The following TTC6 variants were observed in gnomAD, a reference collection of about 807,000 sequenced individuals.
TTC6 encodes the protein tetratricopeptide repeat protein 6.
A neutral mutation model predicts 210.4 loss-of-function variants in TTC6; 172 were observed. The ratio of observed to expected loss-of-function variants is 0.82; its 90% CI spans 0.72 to 0.93. The LOEUF (loss-of-function observed/expected upper bound fraction) is 0.93, where lower values mean the gene tolerates loss of function less well. TTC6 is among the 40% of genes least tolerant of loss of function. The pLI is 0.00. For missense variants in TTC6, 2,414 were observed against 2,318.1 expected, an observed-to-expected ratio of 1.04 and a Z score of -0.85; for synonymous variants, 804 against 819.6, an observed-to-expected ratio of 0.98 and a Z score of 0.32.
chr14:37,666,547 G>T (rs2095748553), intron 1 of TTC6, among the ~76,000 whole-genome samples: 1 of 150,084 alleles, frequency 6.7e-6, no homozygotes, highest in Non-Finnish European at 1.5e-5. Flanking sequence ...TGCAGGTAGA[G>T]TGCCTGGTTA....
rs377706323 is a variant in TTC6, at chr14:37,708,610, G to A, written c.1572-6045G>A. 3.2e-4 allele frequency among the ~76,000 whole-genome samples: 49 copies of A among 151,932 alleles called. No homozygotes were observed. In the East Asian group the frequency reaches 4.8e-3, roughly 15 times the overall value. ...TCTTTATGCTTAATTCTGTATACTCGCTCTCATTCTGTTTTTAGGACCAAT... is the reference window on the plus strand; with the variant it reads ...TCTTTATGCTTAATTCTGTATACTCACTCTCATTCTGTTTTTAGGACCAAT... On this transcript the variant is annotated intron_variant, in intron 5 of 30. Coordinates refer to ENST00000553443, the Ensembl canonical transcript of TTC6.
At chr14:37,671,568 C>T (rs1023248262) in intron 1 of TTC6, among the ~76,000 whole-genome samples, 5 of 151,970 alleles carry the variant, frequency 3.3e-5, no homozygotes, top group African/African-American at 1.2e-4. Flanking sequence ...AACGGTTTTA[C>T]AATAGAAAAC....
At chr14:37,663,039 G>A (rs1051537793) in intron 1 of TTC6, among the ~76,000 whole-genome samples, 17 of 151,896 alleles carry the variant, frequency 1.1e-4, no homozygotes, top group Admixed American at 5.3e-4. Flanking sequence ...ATGTTTTTCC[G>A]TTTGTTTTTG....
chr14:37,663,114 T>C (rs34680819), intron 1 of TTC6, among the ~76,000 whole-genome samples: 8,684 of 152,268 alleles, frequency 0.057, 383 homozygotes, highest in Non-Finnish European at 0.089. Flanking sequence ...ACCTCCCTGG[T>C]TAGCTGTATT....
At chr14:37,609,571 A>T (rs933691843) in intron 2 of TTC6, among the ~76,000 whole-genome samples, 10 of 152,150 alleles carry the variant, frequency 6.6e-5, no homozygotes, top group African/African-American at 2.4e-4. Context: ...CATGGATTGT[A>T]TTATCCTATG....
chr14:37,671,863 T>G (rs1172923832), intron 1 of TTC6, among the ~76,000 whole-genome samples: 5 of 152,080 alleles, frequency 3.3e-5, no homozygotes, highest in Non-Finnish European at 7.4e-5. Context: ...GATCTGATGG[T>G]TTTATCAATG....
intron 29 of TTC6, 77 bp from the exon 32 acceptor site, chr14:37,841,368 A>T: frequency 7.8e-7 from 1 of 1,278,666 alleles, no homozygotes; most frequent in Non-Finnish European, 1.1e-6. Context: ...TTAATTTAAA[A>T]TTAAGAGTAA....
At chr14:37,625,494 G>A (rs1473449045) in intron 1 of TTC6, among the ~76,000 whole-genome samples, 4 of 151,154 alleles carry the variant, frequency 2.6e-5, no homozygotes, top group African/African-American at 4.9e-5. Flanking sequence ...GTTGCAGTGA[G>A]CCTAGATCGC....
Position 37,642,967 on chromosome 14 carries a change from G to T in TTC6, c.939+19964G>T, listed in dbSNP as rs886352133. ...GGAATCACTGTCATATATGGGGTCT[G>T]TCATTGACTGAAATGTCACTATGTG... On this transcript the variant is annotated intron_variant, in intron 1 of 30. Transcript: ENST00000553443. 2.0e-5 allele frequency among the ~76,000 whole-genome samples: 3 copies of T among 152,220 alleles called. No homozygotes were observed. In the East Asian group the frequency reaches 5.8e-4, roughly 29 times the overall value.
intron 26 of TTC6, among the ~76,000 whole-genome samples, chr14:37,819,230 G>A (rs2139471503): frequency 6.6e-6 from 1 of 152,212 alleles, no homozygotes; most frequent in Non-Finnish European, 1.5e-5. Flanking sequence ...AATATGGAGT[G>A]TTTAGTGATT....
rs1335386941 is a variant in TTC6 at position 37,622,629 on chromosome 14, C to T, written c.565C>T (p.Gln189Ter). The T allele has an allele frequency of 1.3e-6, 2 of 1,535,114 alleles. No homozygotes were observed. The highest frequency in any genetic ancestry group is 2.0e-5 in the Admixed American group (1 of 50,994). The change falls in exon 1 of 31, where the codon CAG becomes TAG. Residue 189 changes from glutamine (Q) to a stop codon, truncating the protein, a stop_gained. Transcript: ENST00000553443. LOFTEE classifies it high-confidence loss of function. The stretch of plus-strand genomic sequence containing the variant: ...CTTGGGAAGGGAGCGCGAACAGAGC[C>T]AGGAGGTAGCTCCTCTCGCAGGGCC...
intron 2 of TTC6, among the ~76,000 whole-genome samples, chr14:37,616,484 A>C (rs1456283837): frequency 6.6e-6 from 1 of 152,242 alleles, no homozygotes; most frequent in Non-Finnish European, 1.5e-5. Context: ...AGGTCAATAA[A>C]AAAAATTTCT....
intron 11 of TTC6, 29 bp downstream of exon 13, chr14:37,749,430 A>G (rs2095945433): frequency 2.2e-6 from 3 of 1,388,454 alleles, no homozygotes; most frequent in Non-Finnish European, 2.8e-6. Context: ...AAATAGTAAT[A>G]TTCACCATTT....
chr14:37,645,872 T>C (rs1208624977), intron 1 of TTC6, among the ~76,000 whole-genome samples: 1 of 152,210 alleles, frequency 6.6e-6, no homozygotes, highest in Non-Finnish European at 1.5e-5. Flanking sequence ...CCCTTTTTAA[T>C]ATCCTGAGCA....
chr14:37,794,178 C>A (rs2096086868), intron 17 of TTC6, among the ~76,000 whole-genome samples: 1 of 152,118 alleles, frequency 6.6e-6, no homozygotes, highest in African/African-American at 2.4e-5. Context: ...GGACATATGA[C>A]TATATGATTT....
At chr14:37,788,751 C>A (rs1333246909) in intron 15 of TTC6, among the ~76,000 whole-genome samples, 1 of 152,128 alleles carries the variant, frequency 6.6e-6, no homozygotes, top group African/African-American at 2.4e-5. Flanking sequence ...CAACACAAAC[C>A]TGTTATGTCT....
At chr14:37,778,777 A>G (rs534191786) in intron 14 of TTC6, among the ~76,000 whole-genome samples, 48 of 152,202 alleles carry the variant, frequency 3.2e-4, no homozygotes, top group Non-Finnish European at 6.5e-4. Context: ...AGGCTGCACT[A>G]TGAGCAGGTG....
chr14:37,656,910 T>G (rs1030217480), intron 1 of TTC6, among the ~76,000 whole-genome samples: 1 of 151,930 alleles, frequency 6.6e-6, no homozygotes, highest in Non-Finnish European at 1.5e-5. Context: ...AAATGCCAAA[T>G]AGAAGTACAA....
intron 29 of TTC6, among the ~76,000 whole-genome samples, chr14:37,831,607 C>A (rs2096185385): frequency 1.4e-5 from 1 of 69,810 alleles, no homozygotes; most frequent in Non-Finnish European, 4.1e-5. Context: ...TCTTTGTTTG[C>A]AATAGCCATT....
Sources: gnomAD v4.1 joint callset for allele counts (sites outside exome capture counted in the v4.1 genomes callset) on GRCh38, gnomAD v4.1.1 for gene constraint, MANE v1.5 for transcripts, NCBI Gene and HGNC (gene_info 2026-07-23, HGNC 2026-07-21) for gene names.